The following EPHA5 variants were observed in gnomAD, a reference collection of about 807,000 sequenced individuals.
EPHA5 encodes EPH receptor A5.
In EPHA5, 60 loss-of-function variants were observed where a neutral mutation model predicts 105.0. That is an observed-to-expected ratio of 0.57 (90% CI 0.46 to 0.71). The LOEUF (loss-of-function observed/expected upper bound fraction) is 0.71. EPHA5 is among the 30% of genes least tolerant of loss of function. EPHA5 has a pLI of 0.00. For synonymous variants in EPHA5, 513 were observed against 449.1 expected (o/e 1.14, Z -1.80); for missense variants, 1,218 against 1,274.7 (o/e 0.96, Z 0.68).
intron 3 of EPHA5, among the ~76,000 whole-genome samples, chr4:65,558,436 T>G (rs76141995): frequency 0.015 from 2,216 of 152,192 alleles, 45 homozygotes; most frequent in African/African-American, 0.05. Context: ...AGTTGGTCAT[T>G]TTATTGGTCT....
At chr4:65,551,314 T>A (rs943472539) in intron 3 of EPHA5, among the ~76,000 whole-genome samples, 1 of 150,804 alleles carries the variant, frequency 6.6e-6, no homozygotes, top group Admixed American at 6.6e-5. Flanking sequence ...AGTCAGCATA[T>A]CATTTATTAT....
chr4:65,457,312 T>TCCTCGG lies in EPHA5; in HGVS notation c.1402+33064_1402+33065insCCGAGG, dbSNP rs541401654. 5.4e-3 allele frequency among the ~76,000 whole-genome samples: 823 copies of TCCTCGG among 152,250 alleles called. 8 individuals are homozygous for TCCTCGG. Among genetic ancestry groups the TCCTCGG allele is most frequent in the African/African-American group, 0.019 (794 of 41,544 alleles). ...TTTAGCAAGTTACTTAAACTTGGTG[T>TCCTCGG]CCTCGCCTGTTAACTGGGGAGACAC... On this transcript the variant is annotated intron_variant, in intron 5 of 16. Coordinates refer to ENST00000613740, the MANE Select transcript of EPHA5 (RefSeq NM_001281766.3).
At chr4:65,546,094 C>T (rs1367501335) in intron 3 of EPHA5, among the ~76,000 whole-genome samples, 2 of 151,920 alleles carry the variant, frequency 1.3e-5, no homozygotes, top group Admixed American at 6.6e-5. Flanking sequence ...GACACATGTG[C>T]TTTCATTGGA....
At position 65,365,495 on chromosome 4, in the gene EPHA5, TA is replaced by T. The variant is rs1354716617; in HGVS notation, c.1988-294del. ...TTTTAAAAAAGAATGAAATTAAAAG[TA>T]ACTAATGAAAAATCACTTTTTCTTC... On this transcript the variant is annotated intron_variant, in intron 10 of 16. Transcript: ENST00000613740. Among the ~76,000 whole-genome samples the T allele has an allele frequency of 2.0e-5, 3 of 150,568 alleles. No homozygotes were observed. In the Admixed American group the frequency reaches 2.0e-4, roughly 10 times the overall value.
At chr4:65,644,253 ATACATATGGTGT>A (rs1321678311) in intron 1 of EPHA5, among the ~76,000 whole-genome samples, 1 of 151,844 alleles carries the variant, frequency 6.6e-6, no homozygotes, top group African/African-American at 2.4e-5. Context: ...CATACATATC[ATACATATGGTGT>A]TACATACTGT....
At chr4:65,404,800 T>C (rs1427289029) in intron 7 of EPHA5, among the ~76,000 whole-genome samples, 1 of 152,190 alleles carries the variant, frequency 6.6e-6, no homozygotes, top group African/African-American at 2.4e-5. Context: ...AACTCCTTTA[T>C]TGACTTCAAA....
In EPHA5 at chr4:65,391,405, T is replaced by G. The variant is rs937020955; in HGVS notation, c.1793+12969A>C. Among the ~76,000 whole-genome samples, 4 of 152,172 alleles carry G rather than the reference T, an allele frequency of 2.6e-5. No individual in the cohort carries two copies. In the East Asian group the frequency reaches 7.7e-4, roughly 29 times the overall value. On this transcript the variant is annotated intron_variant, in intron 8 of 16. Coordinates refer to ENST00000613740, the MANE Select transcript of EPHA5 (RefSeq NM_001281766.3). ...AACATTTTCTTTTTTTCCTGGTTCA[T>G]GTAAGACCTTATAAAGCACAGATCT...
chr4:65,426,683 T>C (rs1444071123), intron 5 of EPHA5, among the ~76,000 whole-genome samples: 3 of 152,178 alleles, frequency 2.0e-5, no homozygotes. Flanking sequence ...TGGTCCTACT[T>C]TATAGTTTTT....
At chr4:65,443,121 G>A (rs1334000058) in intron 5 of EPHA5, among the ~76,000 whole-genome samples, 1 of 152,144 alleles carries the variant, frequency 6.6e-6, no homozygotes, top group East Asian at 1.9e-4. Context: ...AGGTATAGTA[G>A]ATGAGAAGGT....
At chr4:65,490,342 C>G (rs913769914) in intron 5 of EPHA5, 35 bp downstream of exon 5, 1 of 1,578,172 alleles carries the variant, frequency 6.3e-7, no homozygotes, top group African/African-American at 1.3e-5. Context: ...AGAACTAGGC[C>G]TCACATACAC....
chr4:65,422,180 G>T (rs1386125792), intron 5 of EPHA5, among the ~76,000 whole-genome samples: 1 of 152,070 alleles, frequency 6.6e-6, no homozygotes, highest in East Asian at 1.9e-4. Context: ...AATGAGGGGA[G>T]AAGACCATTT....
At chr4:65,444,347 C>T (rs1726310662) in intron 5 of EPHA5, among the ~76,000 whole-genome samples, 2 of 151,988 alleles carry the variant, frequency 1.3e-5, no homozygotes, top group East Asian at 1.9e-4. Flanking sequence ...ATAGTACTGC[C>T]CAGTATAATA....
chr4:65,417,548 G>C (rs1374039229), intron 6 of EPHA5, among the ~76,000 whole-genome samples: 1 of 151,984 alleles, frequency 6.6e-6, no homozygotes, highest in African/African-American at 2.4e-5. Context: ...AGATTTTTCT[G>C]CTTTTAATGA....
At chr4:65,468,133 G>A (rs974004872) in intron 5 of EPHA5, among the ~76,000 whole-genome samples, 49 of 152,146 alleles carry the variant, frequency 3.2e-4, no homozygotes, top group African/African-American at 1.2e-3. Context: ...TGTTACAGCA[G>A]CCATAGGGAA....
At chr4:65,372,661 C>A (rs1233872885) in intron 8 of EPHA5, among the ~76,000 whole-genome samples, 1 of 151,828 alleles carries the variant, frequency 6.6e-6, no homozygotes, top group Non-Finnish European at 1.5e-5. Context: ...GATTATACCA[C>A]ACAAAATGAG....
intron 2 of EPHA5, among the ~76,000 whole-genome samples, chr4:65,638,838 C>G (rs4643869): frequency 0.24 from 37,201 of 152,072 alleles, 5,282 homozygotes; most frequent in East Asian, 0.57. Flanking sequence ...TCCTCTTACC[C>G]AAGTTTTATA....
Position 65,637,046 on chromosome 4 carries a change from T to C in EPHA5, c.246+6317A>G, listed in dbSNP as rs143721160. Among the ~76,000 whole-genome samples, 442 of 152,058 alleles carry C rather than the reference T, an allele frequency of 2.9e-3. 5 individuals are homozygous for C. Among genetic ancestry groups the C allele is most frequent in the Admixed American group, 4.9e-3 (74 of 15,248 alleles). The stretch of plus-strand genomic sequence containing the variant: ...AAAAAGAGGAGAGTTAAAGTTACTA[T>C]CATGAGGCAGACCAACAGGCACACA... On this transcript the variant is annotated intron_variant, in intron 2 of 16. Coordinates refer to ENST00000613740, the MANE Select transcript of EPHA5 (RefSeq NM_001281766.3).
chr4:65,616,573 A>T (rs1172059633), intron 2 of EPHA5, among the ~76,000 whole-genome samples: 1 of 151,870 alleles, frequency 6.6e-6, no homozygotes, highest in Non-Finnish European at 1.5e-5. Context: ...TATAATTCAG[A>T]TTTACCTGAC....
chr4:65,430,316 G>C (rs1288791532), intron 5 of EPHA5, among the ~76,000 whole-genome samples: 2 of 151,792 alleles, frequency 1.3e-5, no homozygotes, highest in East Asian at 3.9e-4. Context: ...ATTTTAAAAA[G>C]TAAATAAAAT....
Sources: allele counts gnomAD v4.1 joint callset (sites outside exome capture counted in the v4.1 genomes callset), GRCh38; gene constraint gnomAD v4.1.1; transcripts MANE v1.5; gene names NCBI Gene and HGNC (gene_info 2026-07-23, HGNC 2026-07-21).